SLC7A7: variants seen among roughly 807,000 people sequenced by gnomAD.
SLC7A7 encodes Y+L amino acid transporter 1.
In SLC7A7, 39 loss-of-function variants were observed where a neutral mutation model predicts 47.9. The observed-to-expected ratio is 0.81, with a 90% CI of 0.63 to 1.06. The LOEUF (loss-of-function observed/expected upper bound fraction) is 1.06, where lower values mean the gene tolerates loss of function less well. Among genes scored for constraint, SLC7A7 ranks in the 50% least tolerant of loss-of-function variants. The pLI is 0.00. For synonymous variants in SLC7A7, 234 were observed against 242.8 expected, an observed-to-expected ratio of 0.96 and a Z score of 0.34; for missense variants, 588 against 632.0, an observed-to-expected ratio of 0.93 and a Z score of 0.75.
intron 2 of SLC7A7, among the ~76,000 whole-genome samples, chr14:22,781,268 G>T (rs17122385): frequency 0.032 from 4,811 of 152,176 alleles, 254 homozygotes; most frequent in African/African-American, 0.11. Context: ...GCAGTGGTGT[G>T]GCCTTGGTGT....
upstream of SLC7A7, chr14:22,819,524 G>C (rs1438428798): frequency 6.6e-6 from 1 of 152,196 alleles, no homozygotes; most frequent in Non-Finnish European, 1.5e-5. Flanking sequence ...GGAGGGACAG[G>C]GCTGGGATCA....
At position 22,788,587 on chromosome 14, in the gene SLC7A7, C is replaced by T. The variant is rs192359593; in HGVS notation, c.500-8536G>A. 8.2e-3 allele frequency among the ~76,000 whole-genome samples: 1,245 copies of T among 151,636 alleles called. 18 individuals are homozygous for T. Among genetic ancestry groups the T allele is most frequent in the African/African-American group, 0.028 (1,152 of 41,320 alleles). On this transcript the variant is annotated intron_variant, in intron 2 of 9. Coordinates refer to ENST00000674313, the MANE Select transcript of SLC7A7 (RefSeq NM_003982.4). Reference sequence around the variant, plus strand: ...GGCGTGGTGGCGGGCACCTGTCATCCCAGCTACTCAGGAGGCTGAGGCAGG... The same window carrying T: ...GGCGTGGTGGCGGGCACCTGTCATCTCAGCTACTCAGGAGGCTGAGGCAGG...
At chr14:22,795,321 AG>A (rs1220810971) in intron 2 of SLC7A7, among the ~76,000 whole-genome samples, 1 of 144,882 alleles carries the variant, frequency 6.9e-6, no homozygotes, top group African/African-American at 2.6e-5. Flanking sequence ...CTCCTACCTC[AG>A]TCTCCCAAAA....
At chr14:22,813,979 G>A (rs2039367682) in intron 1 of SLC7A7, among the ~76,000 whole-genome samples, 1 of 151,418 alleles carries the variant, frequency 6.6e-6, no homozygotes, top group Admixed American at 6.6e-5. Flanking sequence ...TAGTAGAGAT[G>A]GGGTTTCTCC....
chr14:22,776,841 C>A (rs906827752), intron 4 of SLC7A7, among the ~76,000 whole-genome samples: 1 of 152,114 alleles, frequency 6.6e-6, no homozygotes, highest in African/African-American at 2.4e-5. Flanking sequence ...TGGTGGCATG[C>A]ACCTGTAGTC....
chr14:22,775,729 G>T, intron 6 of SLC7A7, 104 bp downstream of exon 6: 1 of 957,528 alleles, frequency 1.0e-6, no homozygotes, highest in Non-Finnish European at 1.7e-6. Flanking sequence ...AAGAGGTTGT[G>T]GTATCGGTTG....
intron 7 of SLC7A7, 68 bp downstream of exon 7, chr14:22,775,376 G>T: frequency 8.2e-7 from 1 of 1,217,752 alleles, no homozygotes. Flanking sequence ...AGCTAGAACA[G>T]TCGCTTCTGC....
chr14:22,782,973 A>G (rs3850291), intron 2 of SLC7A7, among the ~76,000 whole-genome samples: 141,532 of 151,100 alleles, frequency 0.94, 66,344 homozygotes, highest in East Asian at 0.96. Flanking sequence ...TCTTGCTGTC[A>G]CCCAGCCTGG....
At chr14:22,802,156 A>C (rs2039125996) in intron 2 of SLC7A7, among the ~76,000 whole-genome samples, 1 of 152,178 alleles carries the variant, frequency 6.6e-6, no homozygotes, top group Admixed American at 6.5e-5. Flanking sequence ...CAATCCCAGC[A>C]CTTTGGGAGG....
intron 2 of SLC7A7, among the ~76,000 whole-genome samples, chr14:22,800,187 T>C (rs2039087886): frequency 6.6e-6 from 1 of 152,206 alleles, no homozygotes; most frequent in African/African-American, 2.4e-5. Flanking sequence ...AACTCACAAA[T>C]TCTAAAATCT....
chr14:22,795,388 T>TGCTTGCTTGCTTGC (rs751197653), intron 2 of SLC7A7, among the ~76,000 whole-genome samples: 2 of 41,058 alleles, frequency 4.9e-5, no homozygotes, highest in African/African-American at 2.2e-4. Flanking sequence ...CTTGCTTGCT[T>TGCTTGCTTGCTTGC]TCTTTCTTTC....
rs17277865 is a variant in SLC7A7, at chr14:22,776,465, C to A, written c.771-147G>T. On this transcript the variant is annotated intron_variant, in intron 4 of 9. Coordinates refer to ENST00000674313, the MANE Select transcript of SLC7A7 (RefSeq NM_003982.4). ...CTCAATGCATTTGTCTTTGACGGTG[C>A]CCTGGATAGTGGCTGAAGCTCTGAA... The A allele has an allele frequency of 0.046, 46,787 of 1,026,562 alleles. 1,367 individuals are homozygous for A. The highest frequency in any genetic ancestry group is 0.086 in the Middle Eastern group (330 of 3,822). 63.6% of individuals were successfully genotyped at this position (1,026,562 alleles called of 1,614,324 possible). A position where few individuals can be genotyped will look rare whatever the true frequency, so the allele number is the denominator to read the frequency against.
rs578008587 is a variant in SLC7A7, at chr14:22,793,587, G to T, written c.500-13536C>A. 2.0e-5 allele frequency among the ~76,000 whole-genome samples: 3 copies of T among 152,106 alleles called. No homozygotes were observed. The East Asian group carries it at 5.8e-4, about 30-fold the overall frequency. ...AGCACTTTGGGAGCCATAGGAGGGC[G>T]GATCACCTGAGGTCAGGAGTTCAAG... On this transcript the variant is annotated intron_variant, in intron 2 of 9. Transcript: ENST00000674313.
At position 22,774,021 on chromosome 14, in the gene SLC7A7, A is replaced by AATGCCG; in HGVS notation, c.1335_1340dup (p.Gly446_Ile447dup). ...AGGGCAGGCCTGAGAGGGCAATGGC[A>AATGCCG]ATGCCGATGAGGGAGTTGATAGTAT... On this transcript the variant is annotated inframe_insertion, in exon 9 of 10. Coordinates refer to ENST00000674313, the MANE Select transcript of SLC7A7 (RefSeq NM_003982.4). The AATGCCG allele has an allele frequency of 6.2e-7, 1 of 1,614,170 alleles. No homozygotes were observed. Among genetic ancestry groups the AATGCCG allele is most frequent in the Non-Finnish European group, 8.5e-7 (1 of 1,180,034 alleles).
At position 22,779,960 on chromosome 14, in the gene SLC7A7, C is replaced by T. The variant is rs750720946; in HGVS notation, c.591G>A (p.Ala197=). 16 of 1,613,988 alleles carry T rather than the reference C, an allele frequency of 9.9e-6. No homozygotes were observed. The highest frequency in any genetic ancestry group is 1.3e-5 in the Non-Finnish European group (15 of 1,180,030). Residue 197 remains alanine (A), a synonymous_variant, in exon 3 of 10, where the codon GCG becomes GCA. Coordinates refer to ENST00000674313, the MANE Select transcript of SLC7A7 (RefSeq NM_003982.4). ...FTYAKVLALI[A]VIVAGIVRLG... is the part of the protein sequence containing the mutation. ...GTCTAACAATGCCTGCAACGATGAC[C>T]GCGATCAGTGCCAATACTTTAGCAT...
chr14:22,799,498 A>G (rs2039075821), intron 2 of SLC7A7, among the ~76,000 whole-genome samples: 1 of 119,496 alleles, frequency 8.4e-6, no homozygotes, highest in African/African-American at 3.2e-5. Flanking sequence ...TCTGTCACCC[A>G]AGATGGAGTG....
chr14:22,795,394 C>G (rs201023075), intron 2 of SLC7A7, among the ~76,000 whole-genome samples: 3 of 60,226 alleles, frequency 5.0e-5, no homozygotes, highest in African/African-American at 1.8e-4. Flanking sequence ...TGCTTTCTTT[C>G]TTTCTTTCTT....
intron 2 of SLC7A7, among the ~76,000 whole-genome samples, chr14:22,798,419 CCACCATG>C (rs1338363562): frequency 6.6e-6 from 1 of 152,170 alleles, no homozygotes; most frequent in Non-Finnish European, 1.5e-5. Context: ...ACGCTGTTCA[CCACCATG>C]CACCAGTGCC....
At chr14:22,792,279 T>C (rs895491645) in intron 2 of SLC7A7, among the ~76,000 whole-genome samples, 12 of 152,164 alleles carry the variant, frequency 7.9e-5, no homozygotes, top group Admixed American at 1.3e-4. Flanking sequence ...AGAAACCTTT[T>C]ACTCCAGGTG....
Sources: gnomAD v4.1 joint callset for allele counts (sites outside exome capture counted in the v4.1 genomes callset) on GRCh38, gnomAD v4.1.1 for gene constraint, MANE v1.5 for transcripts, NCBI Gene and HGNC (gene_info 2026-07-23, HGNC 2026-07-21) for gene names.